The following STYXL1 variants were observed in gnomAD, a reference collection of about 807,000 sequenced individuals.
The protein encoded by STYXL1 is serine/threonine/tyrosine-interacting-like protein 1.
STYXL1 carries 32 observed loss-of-function variants against 36.4 expected under a neutral mutation model. The observed-to-expected ratio is 0.88, with a 90% confidence interval of 0.66 to 1.18. The LOEUF is 1.18. Ranked by LOEUF, STYXL1 falls within the 50% of genes most tolerant of loss-of-function variation. The pLI, the probability that STYXL1 is intolerant of heterozygous loss-of-function variation, is 0.00. For synonymous variants in STYXL1, 133 were observed against 144.1 expected, an observed-to-expected ratio of 0.92 and a Z score of 0.55; for missense variants, 354 against 394.1, an observed-to-expected ratio of 0.90 and a Z score of 0.86.
intron 5 of STYXL1, among the ~76,000 whole-genome samples, chr7:76,013,327 A>C (rs1409114197): frequency 3.2e-4 from 41 of 129,228 alleles, no homozygotes; most frequent in Admixed American, 8.2e-4. Context: ...CTCCGTCTCA[A>C]AAAAAAAAAA....
chr7:76,001,122 G>C (rs782558434), intron 7 of STYXL1, 120 bp from the exon 8 acceptor site: 69 of 723,832 alleles, frequency 9.5e-5, no homozygotes, highest in Middle Eastern at 2.4e-4. Flanking sequence ...ACCAGCCCAC[G>C]TGACCTCGGC....
At chr7:76,000,838 C>T in intron 8 of STYXL1, 52 bp downstream of exon 8, 1 of 1,545,598 alleles carries the variant, frequency 6.5e-7, no homozygotes, top group Admixed American at 1.7e-5. Context: ...GCGCTCTGAC[C>T]TCACCTCCCA....
intron 5 of STYXL1, among the ~76,000 whole-genome samples, chr7:76,005,643 G>A (rs1791576706): frequency 6.6e-6 from 1 of 152,116 alleles, no homozygotes; most frequent in Non-Finnish European, 1.5e-5. Context: ...CAGCACTGGT[G>A]TCCATTCCCT....
chr7:76,017,625 C>T (rs1284033057), intron 4 of STYXL1, among the ~76,000 whole-genome samples: 1 of 151,706 alleles, frequency 6.6e-6, no homozygotes, highest in Non-Finnish European at 1.5e-5. Flanking sequence ...ATGGCTCACA[C>T]CTGTAATCCC....
At chr7:76,046,337 TGTGCGCGC>T (rs1459222153) in intron 1 of STYXL1, among the ~76,000 whole-genome samples, 22 of 23,650 alleles carry the variant, frequency 9.3e-4, no homozygotes, top group South Asian at 6.7e-3. Flanking sequence ...TGTGTGTGTG[TGTGCGCGC>T]GCGCGCGCGC....
intron 4 of STYXL1, among the ~76,000 whole-genome samples, chr7:76,015,827 T>C (rs1442686265): frequency 6.6e-6 from 1 of 152,140 alleles, no homozygotes; most frequent in African/African-American, 2.4e-5. Flanking sequence ...TCAATCTGAG[T>C]GGGCACCATC....
At chr7:76,010,629 C>T (rs782042625) in intron 5 of STYXL1, among the ~76,000 whole-genome samples, 5 of 152,210 alleles carry the variant, frequency 3.3e-5, no homozygotes, top group Non-Finnish European at 5.9e-5. Context: ...CACAGCCAGA[C>T]GGGGCCAGAG....
chr7:76,017,562 G>A (rs114164955), intron 4 of STYXL1, among the ~76,000 whole-genome samples: 1 of 151,750 alleles, frequency 6.6e-6, no homozygotes, highest in Non-Finnish European at 1.5e-5. Flanking sequence ...AATACGAGGA[G>A]GACAGAGAGA....
At chr7:76,009,164 ATG>A in intron 5 of STYXL1, among the ~76,000 whole-genome samples, 1 of 152,270 alleles carries the variant, frequency 6.6e-6, no homozygotes, top group East Asian at 1.9e-4. Context: ...GTACTGTAGA[ATG>A]TGTGTAAATG....
chr7:76,000,950 G>C lies in STYXL1; in HGVS notation c.750C>G (p.Ile250Met), dbSNP rs1183551344. ...SVILIFSTQG[I>M]SRSCAAIIAY... Reference sequence around the variant, plus strand: ...CTATGATGGCGGCACAACTGCGGCTGATACCTTGGGTGGAAAAGATCAGAA... The same window carrying C: ...CTATGATGGCGGCACAACTGCGGCTCATACCTTGGGTGGAAAAGATCAGAA... Residue 250 changes from isoleucine to methionine, a missense_variant, in exon 8 of 9, where the codon ATC becomes ATG. By Grantham distance (10) the Ile-to-Met change is conservative. Transcript: ENST00000359697. The C allele has an allele frequency of 6.2e-7, 1 of 1,614,074 alleles. No homozygotes were observed. Among genetic ancestry groups the C allele is most frequent in the Admixed American group, 1.7e-5 (1 of 59,996 alleles).
chr7:76,040,023 C>T (rs1054108078), intron 1 of STYXL1, among the ~76,000 whole-genome samples: 2 of 152,206 alleles, frequency 1.3e-5, no homozygotes, highest in African/African-American at 4.8e-5. Flanking sequence ...CACATCCCTG[C>T]TCCTTGCCTT....
chr7:76,009,272 C>G (rs1792229061), intron 5 of STYXL1, among the ~76,000 whole-genome samples: 1 of 144,964 alleles, frequency 6.9e-6, no homozygotes, highest in Admixed American at 6.8e-5. Flanking sequence ...TCTTCCCCCA[C>G]CCCGCCCCCT....
At position 76,036,626 on chromosome 7, in the gene STYXL1, A is replaced by G. The variant is rs116896302; in HGVS notation, c.-4-6099T>C. Among the ~76,000 whole-genome samples, 69 of 144,380 alleles carry G rather than the reference A, an allele frequency of 4.8e-4. 1 individual carries two copies. The East Asian group carries it at 0.012, about 25-fold the overall frequency. 94.7% of individuals were successfully genotyped at this position (144,380 alleles called of 152,430 possible). A position where few individuals can be genotyped will look rare whatever the true frequency, so the allele number is the denominator to read the frequency against. The stretch of plus-strand genomic sequence containing the variant: ...AATTTTGATTAAATTTATTTATCCC[A>G]AGATCAAGTCTTTTCCATGTGAATT... On this transcript the variant is annotated intron_variant, in intron 1 of 8. Transcript: ENST00000359697.
At chr7:76,000,853 G>T (rs782598835) in intron 8 of STYXL1, 37 bp downstream of exon 8, 4 of 1,582,322 alleles carry the variant, frequency 2.5e-6, no homozygotes, top group Admixed American at 1.7e-5. Context: ...CTCCCAGGGG[G>T]TGGCCGTGGT....
At chr7:76,023,767 G>A (rs986977150) in intron 3 of STYXL1, among the ~76,000 whole-genome samples, 2 of 152,032 alleles carry the variant, frequency 1.3e-5, no homozygotes, top group Non-Finnish European at 2.9e-5. Flanking sequence ...TGTAATCCCA[G>A]CACTTTGGGA....
intron 4 of STYXL1, among the ~76,000 whole-genome samples, chr7:76,014,895 A>G (rs1217955627): frequency 2.0e-5 from 3 of 152,128 alleles, no homozygotes; most frequent in African/African-American, 7.2e-5. Context: ...CAAAATAGAT[A>G]ACCCAGAAAT....
At chr7:76,046,316 G>C (rs1797012048) in intron 1 of STYXL1, among the ~76,000 whole-genome samples, 2 of 66,836 alleles carry the variant, frequency 3.0e-5, no homozygotes, top group East Asian at 9.0e-4. Context: ...GTGTGTGTGT[G>C]TGTGTGTGTG....
intron 1 of STYXL1, among the ~76,000 whole-genome samples, chr7:76,046,317 TGTGTGTGTGTGTGTGTGTGTGTGCGCGC>T (rs1429146528): frequency 0.059 from 2,604 of 43,778 alleles, 87 homozygotes; most frequent in Non-Finnish European, 0.11. Flanking sequence ...TGTGTGTGTG[TGTGTGTGTGTGTGTGTGTGTGTGCGCGC>T]GCGCGCGCGC....
At chr7:75,997,488 G>A (rs1045400975) in intron 8 of STYXL1, among the ~76,000 whole-genome samples, 2 of 151,378 alleles carry the variant, frequency 1.3e-5, no homozygotes, top group Admixed American at 1.3e-4. Context: ...TATATGAGAA[G>A]CCCACAGCTA....
Sources: allele counts gnomAD v4.1 joint callset (sites outside exome capture counted in the v4.1 genomes callset), GRCh38; gene constraint gnomAD v4.1.1; transcripts MANE v1.5; gene names NCBI Gene and HGNC (gene_info 2026-07-23, HGNC 2026-07-21).